The following BNC2 variants were observed in gnomAD, a reference collection of about 807,000 sequenced individuals.
BNC2 encodes the protein zinc finger protein basonuclin-2.
Under a neutral mutation model 76.3 loss-of-function variants are expected in BNC2, and 20 were observed. That is an observed-to-expected ratio of 0.26 (90% CI 0.18 to 0.38). BNC2 has a LOEUF of 0.38. Among genes scored for constraint, BNC2 ranks in the 10% least tolerant of loss-of-function variants. The pLI, the probability that BNC2 is intolerant of heterozygous loss-of-function variation, is 1.00. For synonymous variants in BNC2, 582 were observed against 514.8 expected (o/e 1.13, Z -1.77); for missense variants, 1,382 against 1,399.8 (o/e 0.99, Z 0.20).
chr9:16,718,494 G>A (rs1008986349), intron 3 of BNC2, among the ~76,000 whole-genome samples: 3 of 152,308 alleles, frequency 2.0e-5, no homozygotes, highest in Non-Finnish European at 4.4e-5. Flanking sequence ...AAAGTTGCTA[G>A]AAAGGGAAAT....
chr9:16,865,869 A>G (rs968671483), intron 1 of BNC2, among the ~76,000 whole-genome samples: 1 of 152,168 alleles, frequency 6.6e-6, no homozygotes, highest in African/African-American at 2.4e-5. Flanking sequence ...TACTGAGAAT[A>G]TATTTCAAAA....
At chr9:16,682,173 T>C (rs1028131686) in intron 3 of BNC2, among the ~76,000 whole-genome samples, 12 of 151,666 alleles carry the variant, frequency 7.9e-5, no homozygotes, top group African/African-American at 2.4e-4. Context: ...TTCATACTGT[T>C]GTTAAAAAAT....
chr9:16,618,139 C>G (rs1820763916), intron 3 of BNC2, among the ~76,000 whole-genome samples: 1 of 152,182 alleles, frequency 6.6e-6, no homozygotes, highest in African/African-American at 2.4e-5. Flanking sequence ...AATGGAACGC[C>G]AGCTACCCTC....
At chr9:16,523,298 T>C (rs1270601041) in intron 5 of BNC2, among the ~76,000 whole-genome samples, 3 of 151,730 alleles carry the variant, frequency 2.0e-5, no homozygotes, top group African/African-American at 4.8e-5. Flanking sequence ...GATGAAACCC[T>C]GTCTCTACTA....
At chr9:16,679,088 G>A (rs1024270323) in intron 3 of BNC2, among the ~76,000 whole-genome samples, 1 of 152,080 alleles carries the variant, frequency 6.6e-6, no homozygotes, top group Non-Finnish European at 1.5e-5. Context: ...CACAGAGCGA[G>A]GGCACCTAAT....
chr9:16,863,614 G>C (rs937601255), intron 1 of BNC2, among the ~76,000 whole-genome samples: 1 of 152,148 alleles, frequency 6.6e-6, no homozygotes, highest in African/African-American at 2.4e-5. Flanking sequence ...AGAATCTCTT[G>C]AACCCAGGAG....
chr9:16,606,547 T>C (rs1448426644), intron 3 of BNC2, among the ~76,000 whole-genome samples: 1 of 151,012 alleles, frequency 6.6e-6, no homozygotes, highest in African/African-American at 2.4e-5. Flanking sequence ...TTTTTGTGGG[T>C]AGGGGGACGG....
intron 3 of BNC2, among the ~76,000 whole-genome samples, chr9:16,722,976 A>G (rs1191179626): frequency 2.0e-5 from 3 of 152,194 alleles, no homozygotes; most frequent in Non-Finnish European, 2.9e-5. Flanking sequence ...TTATCAGACA[A>G]TATACTGAGA....
At chr9:16,769,031 G>A (rs748731128) in intron 1 of BNC2, among the ~76,000 whole-genome samples, 1 of 152,180 alleles carries the variant, frequency 6.6e-6, no homozygotes, top group African/African-American at 2.4e-5. Flanking sequence ...CTGAAATGGG[G>A]AACAATGGAA....
intron 5 of BNC2, among the ~76,000 whole-genome samples, chr9:16,513,532 C>T (rs1284647916): frequency 6.6e-6 from 1 of 152,018 alleles, no homozygotes; most frequent in Non-Finnish European, 1.5e-5. Flanking sequence ...GTCTCGATTT[C>T]CTGACCTCGT....
At chr9:16,740,467 T>C (rs967950692) in intron 1 of BNC2, among the ~76,000 whole-genome samples, 2 of 152,218 alleles carry the variant, frequency 1.3e-5, no homozygotes, top group Non-Finnish European at 2.9e-5. Context: ...GTGGCTAAAA[T>C]ATTTTATTAG....
At chr9:16,536,080 C>T (rs759767436) in intron 5 of BNC2, among the ~76,000 whole-genome samples, 14 of 152,078 alleles carry the variant, frequency 9.2e-5, no homozygotes, top group Non-Finnish European at 1.5e-4. Flanking sequence ...GACCCACAGA[C>T]TTGTGAAAAA....
At chr9:16,626,116 A>C (rs1820986469) in intron 3 of BNC2, 1 of 152,234 alleles carries the variant, frequency 6.6e-6, no homozygotes, top group African/African-American at 2.4e-5. Context: ...TCTTTAGCAC[A>C]GACATGTGTA....
intron 5 of BNC2, among the ~76,000 whole-genome samples, chr9:16,511,884 G>T (rs2095364605): frequency 6.6e-6 from 1 of 152,138 alleles, no homozygotes; most frequent in Non-Finnish European, 1.5e-5. Context: ...GTGTACTTGT[G>T]TGTCTGTGCC....
At chr9:16,430,503 G>C (rs1220017442) in intron 6 of BNC2, among the ~76,000 whole-genome samples, 1 of 152,160 alleles carries the variant, frequency 6.6e-6, no homozygotes, top group Non-Finnish European at 1.5e-5. Flanking sequence ...TTCTGTATAA[G>C]TTTCCAAACA....
At chr9:16,812,366 T>A (rs1178335740) in intron 1 of BNC2, among the ~76,000 whole-genome samples, 1 of 152,166 alleles carries the variant, frequency 6.6e-6, no homozygotes, top group Non-Finnish European at 1.5e-5. Flanking sequence ...GAGTCTTCTG[T>A]GCAAATGTGG....
chr9:16,640,969 A>G (rs1196593704), intron 3 of BNC2, among the ~76,000 whole-genome samples: 2 of 152,200 alleles, frequency 1.3e-5, no homozygotes, highest in African/African-American at 4.8e-5. Context: ...AAGAGTTAAG[A>G]CACCATCACT....
intron 3 of BNC2, among the ~76,000 whole-genome samples, chr9:16,684,304 C>A (rs750547502): frequency 6.6e-6 from 1 of 152,192 alleles, no homozygotes; most frequent in African/African-American, 2.4e-5. Flanking sequence ...ATGTCACACA[C>A]AAGCTGTTAG....
chr9:16,766,371 TG>T (rs1240029357), intron 1 of BNC2, among the ~76,000 whole-genome samples: 2 of 152,118 alleles, frequency 1.3e-5, no homozygotes, highest in East Asian at 3.9e-4. Context: ...CATTCGCAGC[TG>T]CTGATTTTTT....
Sources: gnomAD v4.1 joint callset for allele counts (sites outside exome capture counted in the v4.1 genomes callset) on GRCh38, gnomAD v4.1.1 for gene constraint, MANE v1.5 for transcripts, NCBI Gene and HGNC (gene_info 2026-07-23, HGNC 2026-07-21) for gene names.